AOPEP: variants seen among roughly 807,000 people sequenced by gnomAD.
AOPEP encodes aminopeptidase O (putative).
In AOPEP, 77 loss-of-function variants were observed where a neutral mutation model predicts 98.1. The ratio of observed to expected loss-of-function variants is 0.78; its 90% confidence interval spans 0.65 to 0.95. AOPEP has a LOEUF of 0.95. AOPEP is among the 40% of genes least tolerant of loss of function. The pLI, the probability that AOPEP is intolerant of heterozygous loss-of-function variation, is 0.00. For missense variants in AOPEP, 1,024 were observed against 1,024.7 expected, an observed-to-expected ratio of 1.00 and a Z score of 0.01; for synonymous variants, 346 against 365.3, an observed-to-expected ratio of 0.95 and a Z score of 0.60.
rs1554823771 is a variant in AOPEP at position 95,082,722 on chromosome 9, G to A, written c.*4+3G>A. On this transcript the variant is annotated splice_donor_region_variant and intron_variant, in intron 16 of 16. Transcript: ENST00000375315. Reference sequence around the variant, plus strand: ...GGCCGAAATGTTATTTTAACGAGGTGATTCTCTCCCTTTCCTTTCTGTCAT... The same window carrying A: ...GGCCGAAATGTTATTTTAACGAGGTAATTCTCTCCCTTTCCTTTCTGTCAT... The A allele has an allele frequency of 6.2e-7, 1 of 1,614,066 alleles. No homozygotes were observed. The highest frequency in any genetic ancestry group is 1.1e-5 in the South Asian group (1 of 91,062).
the AOPEP span, among the ~76,000 whole-genome samples, chr9:95,143,861 T>C: frequency 6.6e-6 from 1 of 152,150 alleles, no homozygotes; most frequent in Non-Finnish European, 1.5e-5. Flanking sequence ...ACATGAAAAG[T>C]TGACATTTAG....
chr9:94,766,967 A>G (rs942026674), intron 2 of AOPEP, among the ~76,000 whole-genome samples: 1 of 152,186 alleles, frequency 6.6e-6, no homozygotes, highest in Non-Finnish European at 1.5e-5. Context: ...TGGAGTATCA[A>G]AACCAGATGT....
chr9:95,084,370 A>G (rs969496499), intron 16 of AOPEP, among the ~76,000 whole-genome samples: 1 of 152,236 alleles, frequency 6.6e-6, no homozygotes, highest in African/African-American at 2.4e-5. Context: ...GTCAGGAACC[A>G]TGTGTGCCAG....
chr9:94,909,930 C>T (rs183192119), intron 5 of AOPEP, among the ~76,000 whole-genome samples: 220 of 152,248 alleles, frequency 1.4e-3, no homozygotes, highest in Admixed American at 2.0e-3. Context: ...GGGGTGGGGC[C>T]TCTAAGAGCC....
intron 13 of AOPEP, among the ~76,000 whole-genome samples, chr9:95,037,896 G>A (rs2064966714): frequency 6.6e-6 from 1 of 152,148 alleles, no homozygotes; most frequent in South Asian, 2.1e-4. Flanking sequence ...TTTCTGCCTT[G>A]AGACCCTGAG....
chr9:94,733,245 T>C (rs76814585), intron 1 of AOPEP, among the ~76,000 whole-genome samples: 8,487 of 151,910 alleles, frequency 0.056, 359 homozygotes, highest in South Asian at 0.11. Context: ...TGTCTGGGAC[T>C]ACAGGTGCGC....
chr9:95,126,551 G>A, the AOPEP span: 8 of 1,613,840 alleles, frequency 5.0e-6, no homozygotes, highest in East Asian at 2.2e-5. Context: ...TCAACAACCC[G>A]GAATATGGCA....
At chr9:95,137,853 T>C in the AOPEP span, among the ~76,000 whole-genome samples, 1 of 152,098 alleles carries the variant, frequency 6.6e-6, no homozygotes, top group South Asian at 2.1e-4. Context: ...AAGGGGCGAA[T>C]GAACCCTGAG....
intron 13 of AOPEP, among the ~76,000 whole-genome samples, chr9:95,022,504 AT>A (rs915258153): frequency 1.3e-5 from 2 of 151,780 alleles, no homozygotes; most frequent in Non-Finnish European, 2.9e-5. Context: ...TGCCTGGCTA[AT>A]TTTTTTTGTA....
intron 13 of AOPEP, among the ~76,000 whole-genome samples, chr9:95,014,171 C>G (rs1158377885): frequency 1.3e-5 from 2 of 152,002 alleles, no homozygotes; most frequent in Admixed American, 6.6e-5. Context: ...TTATCTCTAC[C>G]AAATACAAAA....
intron 4 of AOPEP, among the ~76,000 whole-genome samples, chr9:94,798,397 T>C (rs1174741265): frequency 1.2e-4 from 19 of 152,180 alleles, no homozygotes; most frequent in Admixed American, 1.2e-3. Flanking sequence ...GAAAAGGATA[T>C]GAGAGAACTT....
In AOPEP at chr9:94,741,395, C is replaced by A. The variant is rs1052503010; in HGVS notation, c.-136+14644C>A. On this transcript the variant is annotated intron_variant, in intron 1 of 16. Coordinates refer to ENST00000375315, the MANE Select transcript of AOPEP (RefSeq NM_001193329.3). ...TCACGCCATTCTTCTGCTTCAGCCC[C>A]CCGAGTAGCTGGGACTACAGGCGCC... Among the ~76,000 whole-genome samples the A allele has an allele frequency of 2.6e-5, 4 of 152,024 alleles. No individual in the cohort carries two copies. In the South Asian group the frequency reaches 8.3e-4, roughly 32 times the overall value.
the AOPEP span, chr9:95,149,878 A>G: frequency 6.4e-7 from 1 of 1,559,016 alleles, no homozygotes; most frequent in Non-Finnish European, 8.7e-7. Flanking sequence ...GCCTTCTAAG[A>G]AAAGGAAAAA....
At chr9:95,101,898 G>A in the AOPEP span, 2 of 1,610,760 alleles carry the variant, frequency 1.2e-6, no homozygotes, top group Non-Finnish European at 1.7e-6. Flanking sequence ...TTTCCAGACA[G>A]ATTTGTCCTT....
chr9:95,140,013 C>T, the AOPEP span, among the ~76,000 whole-genome samples: 1 of 151,854 alleles, frequency 6.6e-6, no homozygotes, highest in Non-Finnish European at 1.5e-5. Context: ...TTCCATCCAT[C>T]CTGCCTGGAA....
intron 5 of AOPEP, among the ~76,000 whole-genome samples, chr9:94,899,585 AC>A (rs1310326916): frequency 6.6e-6 from 1 of 151,700 alleles, no homozygotes; most frequent in Non-Finnish European, 1.5e-5. Context: ...CCCCATCACT[AC>A]AAAAAATTTA....
chr9:95,149,482 ATTT>A, the AOPEP span, among the ~76,000 whole-genome samples: 1 of 146,638 alleles, frequency 6.8e-6, no homozygotes, highest in African/African-American at 2.5e-5. Context: ...ATCCTCAGTA[ATTT>A]TTTTTTTTTT....
the AOPEP span, chr9:95,149,983 C>T: frequency 3.8e-5 from 61 of 1,613,240 alleles, no homozygotes; most frequent in South Asian, 3.7e-4. Context: ...CTGAGGTTCA[C>T]GTCCATGACA....
intron 5 of AOPEP, among the ~76,000 whole-genome samples, chr9:94,826,413 G>A (rs4743968): frequency 0.95 from 144,243 of 152,236 alleles, 68,359 homozygotes; most frequent in Middle Eastern, 0.99. Flanking sequence ...GACCCACTGG[G>A]GGGACCACAG....
Sources: gnomAD v4.1 joint callset for allele counts (sites outside exome capture counted in the v4.1 genomes callset) on GRCh38, gnomAD v4.1.1 for gene constraint, MANE v1.5 for transcripts, NCBI Gene and HGNC (gene_info 2026-07-23, HGNC 2026-07-21) for gene names.